Variants in EXOC4 observed in about 807,000 individuals in gnomAD.
EXOC4 encodes SEC8-like 1.
EXOC4 carries 71 observed loss-of-function variants against 107.2 expected under a neutral mutation model. That is an observed-to-expected ratio of 0.66 (90% confidence interval 0.55 to 0.81). The LOEUF is 0.81. Ranked by LOEUF, EXOC4 falls within the 30% of genes least tolerant of loss-of-function variation. The pLI, the probability that EXOC4 is intolerant of heterozygous loss-of-function variation, is 0.00. For synonymous variants in EXOC4, 456 were observed against 441.2 expected, an observed-to-expected ratio of 1.03 and a Z score of -0.42; for missense variants, 1,108 against 1,189.6, an observed-to-expected ratio of 0.93 and a Z score of 1.01.
intron 10 of EXOC4, among the ~76,000 whole-genome samples, chr7:133,650,701 A>G (rs529249825): frequency 6.6e-6 from 1 of 152,300 alleles, no homozygotes; most frequent in East Asian, 1.9e-4. Flanking sequence ...CCGACTTCGT[A>G]TTGAAGCCCA....
chr7:133,382,745 T>G (rs1044847991), intron 7 of EXOC4, among the ~76,000 whole-genome samples: 1 of 152,216 alleles, frequency 6.6e-6, no homozygotes, highest in Non-Finnish European at 1.5e-5. Context: ...AAATGTTCCT[T>G]GTATATTAAA....
At chr7:133,613,771 T>C (rs1802126237) in intron 9 of EXOC4, among the ~76,000 whole-genome samples, 1 of 152,146 alleles carries the variant, frequency 6.6e-6, no homozygotes, top group South Asian at 2.1e-4. Context: ...ATGAAAACCT[T>C]GTTCTTTTCA....
intron 11 of EXOC4, among the ~76,000 whole-genome samples, chr7:133,876,221 GGTGTGTGTGTGT>G (rs10605200): frequency 7.5e-5 from 11 of 147,192 alleles, no homozygotes; most frequent in South Asian, 2.2e-4. Context: ...AGAATGAAGA[GGTGTGTGTGTGT>G]GTGTGTGTGT....
At chr7:133,939,924 CAGAA>C (rs1283815652) in intron 14 of EXOC4, among the ~76,000 whole-genome samples, 1 of 152,178 alleles carries the variant, frequency 6.6e-6, no homozygotes, top group Non-Finnish European at 1.5e-5. Context: ...TAGAAAAAGT[CAGAA>C]AGAACTAATT....
chr7:133,810,640 A>G lies in EXOC4; in HGVS notation c.1515-6685A>G, dbSNP rs183477960. 2.3e-3 allele frequency among the ~76,000 whole-genome samples: 346 copies of G among 147,590 alleles called. 5 individuals carry two copies. The highest frequency in any genetic ancestry group is 8.2e-3 in the African/African-American group (323 of 39,574). ...ATTTTATTTTATTTTATTTTATTTTATTTTATTTTTTAGATGGAGTCTTGC... is the reference window on the plus strand; with the variant it reads ...ATTTTATTTTATTTTATTTTATTTTGTTTTATTTTTTAGATGGAGTCTTGC... On this transcript the variant is annotated intron_variant, in intron 10 of 17. Transcript: ENST00000253861.
chr7:133,440,338 C>T (rs1340254000), intron 7 of EXOC4, among the ~76,000 whole-genome samples: 1 of 151,930 alleles, frequency 6.6e-6, no homozygotes, highest in Non-Finnish European at 1.5e-5. Context: ...GTTATTTTTC[C>T]CACCTTTATC....
chr7:133,794,964 C>G (rs1796782671), intron 10 of EXOC4, among the ~76,000 whole-genome samples: 1 of 151,714 alleles, frequency 6.6e-6, no homozygotes, highest in South Asian at 2.1e-4. Flanking sequence ...CACAACAGGC[C>G]CCGGTGTGTG....
At chr7:133,559,244 T>C (rs771662860) in intron 9 of EXOC4, among the ~76,000 whole-genome samples, 5 of 152,208 alleles carry the variant, frequency 3.3e-5, no homozygotes, top group Non-Finnish European at 7.3e-5. Context: ...ATGTTATCTG[T>C]TACTATGCAA....
At chr7:133,578,918 G>A (rs1237928835) in intron 9 of EXOC4, among the ~76,000 whole-genome samples, 3 of 152,182 alleles carry the variant, frequency 2.0e-5, no homozygotes, top group East Asian at 3.9e-4. Flanking sequence ...GCAGTGCCAC[G>A]ACTGCTCTGC....
chr7:134,005,289 A>G (rs1161512657), intron 16 of EXOC4, among the ~76,000 whole-genome samples, 199 bp downstream of exon 16: 2 of 152,178 alleles, frequency 1.3e-5, no homozygotes, highest in African/African-American at 4.8e-5. Flanking sequence ...CTCCGGGTTG[A>G]TAAGGAGATT....
chr7:134,022,221 G>T (rs1191311909), intron 17 of EXOC4, among the ~76,000 whole-genome samples: 2 of 152,144 alleles, frequency 1.3e-5, no homozygotes, highest in African/African-American at 4.8e-5. Context: ...CAACATATGA[G>T]AATTTGTATT....
chr7:134,068,757 G>A (rs1387357331), downstream of EXOC4, among the ~76,000 whole-genome samples: 2 of 152,044 alleles, frequency 1.3e-5, no homozygotes, highest in African/African-American at 2.4e-5. Context: ...TGAGCCCGAC[G>A]GTCCTTATTT....
At chr7:133,420,641 A>G (rs962169923) in intron 7 of EXOC4, among the ~76,000 whole-genome samples, 2 of 152,118 alleles carry the variant, frequency 1.3e-5, no homozygotes, top group Admixed American at 6.5e-5. Context: ...CATGGGGCCA[A>G]TGTAAAGTCT....
chr7:133,375,752 T>C (rs183812930), intron 7 of EXOC4, among the ~76,000 whole-genome samples: 498 of 152,314 alleles, frequency 3.3e-3, no homozygotes, highest in African/African-American at 0.012. Context: ...AGAATAGATC[T>C]GTGAGGTATA....
intron 9 of EXOC4, among the ~76,000 whole-genome samples, chr7:133,491,209 C>T (rs956305270): frequency 2.6e-5 from 4 of 152,166 alleles, no homozygotes; most frequent in Non-Finnish European, 4.4e-5. Context: ...TGTATGAATG[C>T]GACATGAATA....
At chr7:133,522,277 C>G (rs1215027636) in intron 9 of EXOC4, among the ~76,000 whole-genome samples, 1 of 152,040 alleles carries the variant, frequency 6.6e-6, no homozygotes, top group African/African-American at 2.4e-5. Context: ...GAGTTTCAGC[C>G]ATAACTTAGT....
At chr7:133,711,973 G>T (rs1794901693) in intron 10 of EXOC4, among the ~76,000 whole-genome samples, 1 of 152,264 alleles carries the variant, frequency 6.6e-6, no homozygotes, top group African/African-American at 2.4e-5. Context: ...ATGAAATAAA[G>T]TGGATTTGAC....
At chr7:133,318,158 G>A (rs765795320) in intron 5 of EXOC4, among the ~76,000 whole-genome samples, 1 of 152,200 alleles carries the variant, frequency 6.6e-6, no homozygotes, top group Non-Finnish European at 1.5e-5. Flanking sequence ...ATGCATCCAC[G>A]TGTGCACTCA....
chr7:133,590,021 A>C (rs1454018910), intron 9 of EXOC4, among the ~76,000 whole-genome samples: 3 of 152,070 alleles, frequency 2.0e-5, no homozygotes, highest in Non-Finnish European at 2.9e-5. Flanking sequence ...AGCAGAAAAG[A>C]GGGGGTTCCT....
Sources: allele counts gnomAD v4.1 joint callset (sites outside exome capture counted in the v4.1 genomes callset), GRCh38; gene constraint gnomAD v4.1.1; transcripts MANE v1.5; gene names NCBI Gene and HGNC (gene_info 2026-07-23, HGNC 2026-07-21).